The following PIEZO2 variants were observed in gnomAD, a reference collection of about 807,000 sequenced individuals.
PIEZO2 encodes piezo type mechanosensitive ion channel component 2.
Under a neutral mutation model 337.3 loss-of-function variants are expected in PIEZO2, and 172 were observed. The observed-to-expected ratio is 0.51, with a 90% CI of 0.45 to 0.58. The LOEUF (loss-of-function observed/expected upper bound fraction) is 0.58, where lower values mean the gene tolerates loss of function less well. Among genes scored for constraint, PIEZO2 ranks in the 20% least tolerant of loss-of-function variants. The probability of loss-of-function intolerance (pLI) is 0.00; values close to 1 mark genes in which losing one functional copy is unlikely to be tolerated. For synonymous variants in PIEZO2, 1,251 were observed against 1,228.5 expected (o/e 1.02, Z -0.38); for missense variants, 3,028 against 3,391.3 (o/e 0.89, Z 2.66).
At chr18:10,927,359 G>C (rs1825300628) in intron 3 of PIEZO2, among the ~76,000 whole-genome samples, 1 of 152,214 alleles carries the variant, frequency 6.6e-6, no homozygotes, top group Admixed American at 6.5e-5. Context: ...ATACTTAGCA[G>C]GATGCAGTTT....
At position 10,766,486 on chromosome 18, in the gene PIEZO2, A is replaced by G. The variant is rs180757128; in HGVS notation, c.2947-3388T>C. 1.7e-4 allele frequency among the ~76,000 whole-genome samples: 26 copies of G among 152,328 alleles called. No homozygotes were observed. The East Asian group carries it at 5.0e-3, about 29-fold the overall frequency. On this transcript the variant is annotated intron_variant, in intron 21 of 55. Coordinates refer to ENST00000674853, the MANE Select transcript of PIEZO2 (RefSeq NM_001378183.1). This position sits in a 1 kb window ranked among gnomAD's most constrained non-coding sequence, Gnocchi z 6.1. ...GGATTTTGAGAAACAGTTTTATGCA[A>G]TAGTGCTTTCCCAAAAAAGCCCTGT... is the stretch of plus-strand genomic sequence containing the variant.
chr18:10,786,427 C>A (rs542430659), intron 16 of PIEZO2, among the ~76,000 whole-genome samples: 1 of 152,288 alleles, frequency 6.6e-6, no homozygotes, highest in South Asian at 2.1e-4. Flanking sequence ...TTATCTTTCC[C>A]TTCTAAGGGA....
chr18:11,071,440 G>C (rs2038335600), intron 1 of PIEZO2, among the ~76,000 whole-genome samples: 1 of 152,176 alleles, frequency 6.6e-6, no homozygotes, highest in African/African-American at 2.4e-5. Flanking sequence ...CAGGTGTTTG[G>C]GCTACATCAG....
In PIEZO2 at chr18:10,813,924, G is replaced by A. The variant is rs7232620; in HGVS notation, c.918-6650C>T. Among the ~76,000 whole-genome samples, 427 of 151,802 alleles carry A rather than the reference G, an allele frequency of 2.8e-3. 1 individual carries two copies. Among genetic ancestry groups the A allele is most frequent in the African/African-American group, 9.8e-3 (405 of 41,416 alleles). ...GCCTTGCCAAGTCTTGTTATTTTAT[G>A]CTTTTCAGAGTAGTCATCCTAATAG... On this transcript the variant is annotated intron_variant, in intron 7 of 55. Coordinates refer to ENST00000674853, the MANE Select transcript of PIEZO2 (RefSeq NM_001378183.1). The surrounding 1 kb of genome is among the most constrained non-coding windows in gnomAD (Gnocchi z 4.2).
At chr18:10,998,276 A>C (rs1230752812) in intron 2 of PIEZO2, among the ~76,000 whole-genome samples, 1 of 152,110 alleles carries the variant, frequency 6.6e-6, no homozygotes, top group Non-Finnish European at 1.5e-5. Context: ...GGTACCAAAA[A>C]AACACGTGGA....
chr18:10,705,665 C>T lies in PIEZO2; in HGVS notation c.5670G>A (p.Glu1890=), dbSNP rs953916863. The change falls in exon 41 of 56, where the codon GAG becomes GAA. Residue 1890 remains glutamate, a synonymous_variant. Coordinates refer to ENST00000674853, the MANE Select transcript of PIEZO2 (RefSeq NM_001378183.1). ...TIEEVEAEQE[E]EAGSTAPEPR... ...GCTCAGGCGCCGTGCTCCCTGCCTC[C>T]TCCTCCTGCTCAGCCTCCACCTCCT... 22 of 1,536,986 alleles carry T rather than the reference C, an allele frequency of 1.4e-5. No homozygotes were observed. Among genetic ancestry groups the T allele is most frequent in the Non-Finnish European group, 1.9e-5 (22 of 1,146,930 alleles).
chr18:10,862,823 C>T lies in PIEZO2; in HGVS notation c.493-5612G>A, dbSNP rs2041911312. Reference sequence around the variant, plus strand: ...ATTGGCAACCACTGATCAATGAATTCTCCATAGGGGTTCAGCTGAATAGGC... The same window carrying T: ...ATTGGCAACCACTGATCAATGAATTTTCCATAGGGGTTCAGCTGAATAGGC... On this transcript the variant is annotated intron_variant, in intron 5 of 55. Transcript: ENST00000674853. This position sits in a 1 kb window ranked among gnomAD's most constrained non-coding sequence, Gnocchi z 4.4. 6.6e-6 allele frequency among the ~76,000 whole-genome samples: 1 copy of T among 152,244 alleles called. No individual in the cohort carries two copies.
Position 10,724,951 on chromosome 18 carries a change from A to G in PIEZO2, c.5029+6456T>C. 1 of 1,593,696 alleles carries G rather than the reference A, an allele frequency of 6.3e-7. No homozygotes were observed. The highest frequency in any genetic ancestry group is 8.6e-7 in the Non-Finnish European group (1 of 1,166,722). ...ACGGCGATGGAACCCAGGTGGGCGC[A>G]CCCTGCGGCCTGCAGCCTCCCTGCC... On this transcript the variant is annotated intron_variant, in intron 36 of 55. Transcript: ENST00000674853. This position sits in a 1 kb window ranked among gnomAD's most constrained non-coding sequence, Gnocchi z 5.8.
intron 27 of PIEZO2, among the ~76,000 whole-genome samples, chr18:10,753,661 C>A (rs184511548): frequency 5.3e-4 from 81 of 152,298 alleles, no homozygotes; most frequent in African/African-American, 1.8e-3. Flanking sequence ...AGAACCAATT[C>A]TGGATTAATT....
chr18:10,741,173 CA>C, intron 32 of PIEZO2, 71 bp from the exon 33 acceptor site: 1 of 1,373,966 alleles, frequency 7.3e-7, no homozygotes, highest in Non-Finnish European at 9.7e-7. Flanking sequence ...CACGCTTTAA[CA>C]ACTCAATTGT....
rs2041397623 is a variant in PIEZO2, at chr18:10,847,340, C to T, written c.917+8013G>A. Among the ~76,000 whole-genome samples, 1 of 152,186 alleles carries T rather than the reference C, an allele frequency of 6.6e-6. No homozygotes were observed. ...TTCTAGGTGCCCACAGAGGCATCTT[C>T]TCCATAAAAACTGAAAGGAAGACCG... On this transcript the variant is annotated intron_variant, in intron 7 of 55. Transcript: ENST00000674853. This position sits in a 1 kb window ranked among gnomAD's most constrained non-coding sequence, Gnocchi z 5.7.
At chr18:10,825,637 G>A (rs2040651876) in intron 7 of PIEZO2, among the ~76,000 whole-genome samples, 1 of 136,460 alleles carries the variant, frequency 7.3e-6, no homozygotes, top group Admixed American at 8.2e-5. Context: ...TGCAACCTTT[G>A]CCTCCTGGGA....
rs1463641178 is a variant in PIEZO2, at chr18:10,794,660, C to T, written c.1758+112G>A. On this transcript the variant is annotated intron_variant, in intron 13 of 55. Coordinates refer to ENST00000674853, the MANE Select transcript of PIEZO2 (RefSeq NM_001378183.1). This position sits in a 1 kb window ranked among gnomAD's most constrained non-coding sequence, Gnocchi z 6.6. ...ACAGTCTCATGTTTGTTCATTTTTA[C>T]AAAGCAGTGAATATTTGGAACCTGT... is the stretch of plus-strand genomic sequence containing the variant. The T allele has an allele frequency of 1.3e-5, 11 of 858,144 alleles. No homozygotes were observed. Among genetic ancestry groups the T allele is most frequent in the Non-Finnish European group, 1.9e-5 (11 of 574,622 alleles). The allele number at this position is 858,144 out of a possible 1,614,324, so 53.2% of individuals were successfully genotyped here.
At chr18:11,062,010 A>G (rs1338448388) in intron 2 of PIEZO2, among the ~76,000 whole-genome samples, 3 of 152,176 alleles carry the variant, frequency 2.0e-5, no homozygotes, top group Non-Finnish European at 4.4e-5. Flanking sequence ...TTCGAACTAT[A>G]CTACAAGGCT....
chr18:10,820,671 C>G (rs8095951), intron 7 of PIEZO2, among the ~76,000 whole-genome samples: 1,949 of 152,210 alleles, frequency 0.013, 26 homozygotes, highest in African/African-American at 0.045. Flanking sequence ...TTTCACATGT[C>G]TAAAAATTTT....
At chr18:10,916,491 G>A (rs2030975029) in intron 3 of PIEZO2, among the ~76,000 whole-genome samples, 1 of 152,170 alleles carries the variant, frequency 6.6e-6, no homozygotes, top group African/African-American at 2.4e-5. Flanking sequence ...AGGAGTGCTG[G>A]GGGACCCAGT....
rs543042977 is a variant in PIEZO2 at position 10,746,559 on chromosome 18, C to T, written c.4424+1912G>A. Among the ~76,000 whole-genome samples the T allele has an allele frequency of 4.0e-4, 61 of 152,330 alleles. No homozygotes were observed. The highest frequency in any genetic ancestry group is 7.1e-4 in the Non-Finnish European group (48 of 68,026). ...TCCCGGAGTGTCTCCTACCATCACA[C>T]CTGCTGTCGTCTGAATGTCTGCATC... On this transcript the variant is annotated intron_variant, in intron 30 of 55. Coordinates refer to ENST00000674853, the MANE Select transcript of PIEZO2 (RefSeq NM_001378183.1). This position sits in a 1 kb window ranked among gnomAD's most constrained non-coding sequence, Gnocchi z 4.2.
At chr18:10,958,470 C>A (rs1412239341) in intron 3 of PIEZO2, among the ~76,000 whole-genome samples, 1 of 152,080 alleles carries the variant, frequency 6.6e-6, no homozygotes, top group Non-Finnish European at 1.5e-5. Context: ...CAATCTATTG[C>A]ACTGCATGGT....
At chr18:11,086,681 C>T (rs1472692869) in intron 1 of PIEZO2, among the ~76,000 whole-genome samples, 2 of 151,974 alleles carry the variant, frequency 1.3e-5, no homozygotes, top group Admixed American at 6.6e-5. Flanking sequence ...AAAAACACTA[C>T]TATATTGTGA....
Sources: gnomAD v4.1 joint callset for allele counts (sites outside exome capture counted in the v4.1 genomes callset) on GRCh38, gnomAD v4.1.1 for gene constraint, Gnocchi (gnomAD v3.1) non-coding constraint, MANE v1.5 for transcripts, NCBI Gene and HGNC (gene_info 2026-07-23, HGNC 2026-07-21) for gene names.